The following HKDC1 variants were observed in gnomAD, a reference collection of about 807,000 sequenced individuals.
The protein encoded by HKDC1 is hexokinase HKDC1.
In HKDC1, 66 loss-of-function variants were observed where a neutral mutation model predicts 96.6. That is an observed-to-expected ratio of 0.68 (90% CI 0.56 to 0.84). HKDC1 has a LOEUF of 0.84. HKDC1 is among the 40% of genes least tolerant of loss of function. HKDC1 has a pLI of 0.00. For synonymous variants in HKDC1, 466 were observed against 473.1 expected (o/e 0.98, Z 0.20); for missense variants, 1,211 against 1,208.1 (o/e 1.00, Z -0.04).
chr10:69,255,042 G>A (rs77380489), intron 12 of HKDC1, among the ~76,000 whole-genome samples: 5,486 of 152,276 alleles, frequency 0.036, 175 homozygotes, highest in South Asian at 0.13. Context: ...TACACCATCC[G>A]GGAGGGTGCC....
chr10:69,224,473 A>G (rs1342083662), intron 1 of HKDC1, among the ~76,000 whole-genome samples: 1 of 151,916 alleles, frequency 6.6e-6, no homozygotes, highest in African/African-American at 2.4e-5. Context: ...TAGTAGAGAC[A>G]TGGTTTCACC....
intron 14 of HKDC1, among the ~76,000 whole-genome samples, chr10:69,258,521 C>G (rs61455565): frequency 0.034 from 5,222 of 152,206 alleles, 302 homozygotes; most frequent in African/African-American, 0.12. Flanking sequence ...TGAATGCTTA[C>G]CATGTGAAGG....
intron 4 of HKDC1, among the ~76,000 whole-genome samples, chr10:69,238,780 T>A (rs1477096379): frequency 6.6e-6 from 1 of 152,250 alleles, no homozygotes; most frequent in African/African-American, 2.4e-5. Context: ...AAACGACTTG[T>A]CTAATGTCTC....
In HKDC1 at chr10:69,226,538, C is replaced by T. The variant is rs546249513; in HGVS notation, c.64-669C>T. On this transcript the variant is annotated intron_variant, in intron 1 of 17. Coordinates refer to ENST00000354624, the MANE Select transcript of HKDC1 (RefSeq NM_025130.4). ...GGCCTGGTGGCACCTGCCTGTAATACTAGCTACTCAGAAGGCTGAGGCAGG... is the reference window on the plus strand; with the variant it reads ...GGCCTGGTGGCACCTGCCTGTAATATTAGCTACTCAGAAGGCTGAGGCAGG... 3.9e-5 allele frequency among the ~76,000 whole-genome samples: 6 copies of T among 151,978 alleles called. No individual in the cohort carries two copies. The East Asian group carries it at 9.7e-4, about 24-fold the overall frequency.
chr10:69,266,683 G>T lies in HKDC1; in HGVS notation c.2680G>T (p.Asp894Tyr). 6.2e-7 allele frequency: 1 copy of T among 1,614,202 alleles called. No homozygotes were observed. The highest frequency in any genetic ancestry group is 8.5e-7 in the Non-Finnish European group (1 of 1,180,012). The change falls in exon 18 of 18, where the codon GAT (aspartate) becomes TAT (tyrosine). Residue 894 changes from aspartate (D) to tyrosine (Y), a missense_variant. By Grantham distance (160) the Asp-to-Tyr change is radical. Coordinates refer to ENST00000354624, the MANE Select transcript of HKDC1 (RefSeq NM_025130.4). ...TGATGTGACATTCATGCTGTCAGAA[G>T]ATGGCAGTGGAAAAGGGGCAGCACT... ...RCDVTFMLSEDGSGKGAALIT... is the reference protein window; with the variant it reads ...RCDVTFMLSEYGSGKGAALIT...
intron 6 of HKDC1, among the ~76,000 whole-genome samples, chr10:69,241,374 T>C (rs1843454842): frequency 6.6e-6 from 1 of 152,004 alleles, no homozygotes; most frequent in Non-Finnish European, 1.5e-5. Flanking sequence ...ACTGGGCAGA[T>C]TGCACAGGAT....
At chr10:69,250,193 G>C in intron 10 of HKDC1, 97 bp from the exon 11 acceptor site, 1 of 1,358,436 alleles carries the variant, frequency 7.4e-7, no homozygotes, top group Admixed American at 2.0e-5. Flanking sequence ...CAGGAGTGCA[G>C]GCCCTGGGTC....
intron 12 of HKDC1, among the ~76,000 whole-genome samples, chr10:69,256,762 C>G (rs1050447020): frequency 6.6e-6 from 1 of 151,944 alleles, no homozygotes; most frequent in African/African-American, 2.4e-5. Flanking sequence ...GATCCTAGGC[C>G]TTTATTCCGC....
At chr10:69,263,577 A>T (rs1843843972) in intron 16 of HKDC1, among the ~76,000 whole-genome samples, 1 of 152,186 alleles carries the variant, frequency 6.6e-6, no homozygotes, top group African/African-American at 2.4e-5. Flanking sequence ...TTGAGTTTTA[A>T]GATTTATCTC....
intron 8 of HKDC1, among the ~76,000 whole-genome samples, chr10:69,246,454 G>T (rs1843542603): frequency 6.6e-6 from 1 of 152,220 alleles, no homozygotes; most frequent in African/African-American, 2.4e-5. Context: ...CTGTCAGAGG[G>T]CCACCCTCTT....
rs529160358 is a variant in HKDC1 at position 69,244,784 on chromosome 10, C to T, written c.876-1295C>T. Among the ~76,000 whole-genome samples the T allele has an allele frequency of 4.6e-5, 7 of 152,226 alleles. No homozygotes were observed. In the South Asian group the frequency reaches 1.5e-3, roughly 32 times the overall value. On this transcript the variant is annotated intron_variant, in intron 7 of 17. Transcript: ENST00000354624. Reference sequence around the variant, plus strand: ...CAGGGTGCAGTAAGCTGTGATCATACCATTGCACTCCAGCCTGGGCAACAG... The same window carrying T: ...CAGGGTGCAGTAAGCTGTGATCATATCATTGCACTCCAGCCTGGGCAACAG...
chr10:69,250,193 G>A, intron 10 of HKDC1, 97 bp from the exon 11 acceptor site: 5 of 1,358,436 alleles, frequency 3.7e-6, no homozygotes, highest in Non-Finnish European at 5.1e-6. Flanking sequence ...CAGGAGTGCA[G>A]GCCCTGGGTC....
chr10:69,242,429 GAAAAAAA>G (rs5785904), intron 6 of HKDC1, among the ~76,000 whole-genome samples: 1,257 of 115,348 alleles, frequency 0.011, 31 homozygotes, highest in African/African-American at 0.038. Flanking sequence ...AGATACTGAA[GAAAAAAA>G]AAAAAAAAAA....
intron 12 of HKDC1, among the ~76,000 whole-genome samples, chr10:69,255,930 A>C (rs996870157): frequency 1.4e-4 from 21 of 145,512 alleles, no homozygotes; most frequent in Admixed American, 2.7e-4. Context: ...AAAAAAAAAA[A>C]CAAAAAAAAC....
chr10:69,236,355 G>A (rs1041721493), intron 4 of HKDC1, among the ~76,000 whole-genome samples: 9 of 151,602 alleles, frequency 5.9e-5, no homozygotes, highest in South Asian at 2.1e-4. Context: ...AGATCCTCCC[G>A]CCTCAGCCTC....
chr10:69,220,398 A>G lies in HKDC1; in HGVS notation c.-38A>G. On this transcript the variant is annotated 5_prime_UTR_variant, in exon 1 of 18. Transcript: ENST00000354624. ...TCGTAGGAGTGAACACTGCACAGGA[A>G]TCTCTGCCCATCTCAGGAGAAACCA... The G allele has an allele frequency of 6.5e-7, 1 of 1,535,570 alleles. No homozygotes were observed. Among genetic ancestry groups the G allele is most frequent in the Non-Finnish European group, 8.9e-7 (1 of 1,128,124 alleles).
rs1843624911 is a variant in HKDC1, at chr10:69,250,528, T to G, written c.1717-5T>G. 1 of 1,613,992 alleles carries G rather than the reference T, an allele frequency of 6.2e-7. No individual in the cohort carries two copies. The highest frequency in any genetic ancestry group is 1.3e-5 in the African/African-American group (1 of 75,066). On this transcript the variant is annotated splice_region_variant and splice_polypyrimidine_tract_variant and intron_variant, in intron 11 of 17. Coordinates refer to ENST00000354624, the MANE Select transcript of HKDC1 (RefSeq NM_025130.4). ...GTGTGAATGCCGCTCTCTCTCTCTC[T>G]GCAGCTCTTTGATCACATTGTGCAG...
At chr10:69,224,193 G>C (rs1207881209) in intron 1 of HKDC1, among the ~76,000 whole-genome samples, 1 of 151,886 alleles carries the variant, frequency 6.6e-6, no homozygotes, top group East Asian at 1.9e-4. Flanking sequence ...GGGCAACAGA[G>C]CAAGACCCTG....
intron 4 of HKDC1, among the ~76,000 whole-genome samples, chr10:69,233,790 T>G (rs1052288930): frequency 3.3e-5 from 5 of 149,892 alleles, no homozygotes; most frequent in Non-Finnish European, 5.9e-5. Context: ...CCCAGCCACT[T>G]GGGAGGCTGA....
Sources: allele counts gnomAD v4.1 joint callset (sites outside exome capture counted in the v4.1 genomes callset), GRCh38; gene constraint gnomAD v4.1.1; transcripts MANE v1.5; gene names NCBI Gene and HGNC (gene_info 2026-07-23, HGNC 2026-07-21).